POLN: variants seen among roughly 807,000 people sequenced by gnomAD.
POLN encodes DNA polymerase N.
In POLN, 108 loss-of-function variants were observed where a neutral mutation model predicts 113.5. That is an observed-to-expected ratio of 0.95 (90% CI 0.81 to 1.12). The LOEUF (loss-of-function observed/expected upper bound fraction) is 1.12. POLN is among the 50% of genes most tolerant of loss of function. The pLI, the probability that POLN is intolerant of heterozygous loss-of-function variation, is 0.00. For synonymous variants in POLN, 386 were observed against 391.5 expected (o/e 0.99, Z 0.17); for missense variants, 1,097 against 1,077.1 (o/e 1.02, Z -0.26).
intron 23 of POLN, among the ~76,000 whole-genome samples, chr4:2,077,340 G>C (rs1419288749): frequency 6.6e-6 from 1 of 152,242 alleles, no homozygotes; most frequent in Non-Finnish European, 1.5e-5. Context: ...GCTTGGGCCT[G>C]TGTTCCTGAC....
intron 11 of POLN, among the ~76,000 whole-genome samples, chr4:2,171,884 TA>T (rs1732871131): frequency 6.6e-6 from 1 of 151,862 alleles, no homozygotes; most frequent in African/African-American, 2.4e-5. Context: ...GTAGTAAAAA[TA>T]ATGGGAAAGA....
intron 6 of POLN, among the ~76,000 whole-genome samples, chr4:2,198,159 T>C (rs1733625887): frequency 6.6e-6 from 1 of 152,228 alleles, no homozygotes. Context: ...GTGATAACTT[T>C]GTTTTCTAAT....
chr4:2,214,493 C>A (rs1257630253), intron 3 of POLN, among the ~76,000 whole-genome samples: 1 of 152,044 alleles, frequency 6.6e-6, no homozygotes, highest in African/African-American at 2.4e-5. Flanking sequence ...CATACATTTA[C>A]AAGATAAGAC....
chr4:2,186,379 T>C (rs1733273561), intron 7 of POLN, among the ~76,000 whole-genome samples: 1 of 152,120 alleles, frequency 6.6e-6, no homozygotes, highest in Admixed American at 6.5e-5. Flanking sequence ...TCAGAAAGGC[T>C]GGTCAGTAGG....
intron 5 of POLN, among the ~76,000 whole-genome samples, chr4:2,201,277 CAAAAAAAA>C (rs35399602): frequency 3.5e-3 from 56 of 15,832 alleles, no homozygotes; most frequent in African/African-American, 0.026. Context: ...CCTACCACTC[CAAAAAAAA>C]AAAAAAAAAA....
At chr4:2,182,370 TAGAGACATGC>T (rs1733164869) in intron 7 of POLN, among the ~76,000 whole-genome samples, 1 of 152,118 alleles carries the variant, frequency 6.6e-6, no homozygotes, top group Non-Finnish European at 1.5e-5. Flanking sequence ...AGGTGACATA[TAGAGACATGC>T]AGAGGGAAAA....
chr4:2,104,143 T>C (rs2108706680), intron 19 of POLN, among the ~76,000 whole-genome samples: 2 of 152,198 alleles, frequency 1.3e-5, no homozygotes, highest in South Asian at 4.1e-4. Context: ...AAGAAACAAA[T>C]AATTTATAAA....
rs1487275852 is a variant in POLN at position 2,112,687 on chromosome 4, T to C, written c.1982+15426A>G. Among the ~76,000 whole-genome samples, 44 of 152,262 alleles carry C rather than the reference T, an allele frequency of 2.9e-4. No homozygotes were observed. The South Asian group carries it at 8.7e-3, about 30-fold the overall frequency. Reference sequence around the variant, plus strand: ...AATGCAAATCAAAACCACAATGAGATACCATCTCACACCAGTTAGAATGGC... The same window carrying C: ...AATGCAAATCAAAACCACAATGAGACACCATCTCACACCAGTTAGAATGGC... On this transcript the variant is annotated intron_variant, in intron 19 of 25. Transcript: ENST00000511885.
At chr4:2,187,566 T>G (rs1315519536) in intron 7 of POLN, among the ~76,000 whole-genome samples, 1 of 151,998 alleles carries the variant, frequency 6.6e-6, no homozygotes, top group Non-Finnish European at 1.5e-5. Context: ...AAGATATAAA[T>G]ATCCAGGTAG....
At chr4:2,170,542 G>A in intron 13 of POLN, 137 bp downstream of exon 13, 1 of 672,610 alleles carries the variant, frequency 1.5e-6, no homozygotes, top group Middle Eastern at 3.0e-4. Context: ...CTTGGTGTGG[G>A]GAGCCCCTCT....
At chr4:2,080,050 G>C (rs1181441105) in intron 23 of POLN, 3 of 985,436 alleles carry the variant, frequency 3.0e-6, no homozygotes, top group African/African-American at 1.7e-5. Context: ...CTTAGGGTGG[G>C]GGTGGGAAAA....
At chr4:2,187,622 T>C (rs1733312613) in intron 7 of POLN, among the ~76,000 whole-genome samples, 1 of 152,128 alleles carries the variant, frequency 6.6e-6, no homozygotes, top group Admixed American at 6.5e-5. Context: ...AAAACTACCC[T>C]ATAATCACCC....
intron 15 of POLN, 60 bp from the exon 16 acceptor site, chr4:2,156,913 T>C (rs1732449033): frequency 2.9e-6 from 4 of 1,398,538 alleles, no homozygotes; most frequent in Non-Finnish European, 4.1e-6. Context: ...GTTAAGAATG[T>C]GGCGGAGCCT....
intron 2 of POLN, 112 bp from the exon 3 acceptor site, chr4:2,229,355 A>G: frequency 1.1e-6 from 1 of 915,092 alleles, no homozygotes; most frequent in Non-Finnish European, 1.6e-6. Context: ...TAAAATGTCT[A>G]TATTCATAAC....
rs1733903070 is a variant in POLN, at chr4:2,208,230, T to C, written c.471A>G (p.Lys157=). The change falls in exon 5 of 26, where the codon AAA becomes AAG. Residue 157 remains lysine (K), a synonymous_variant. Transcript: ENST00000511885. ...CTGACAAATTATTATATGTAATATG[T>C]TTTCTTTTAAGATTAATGCTTCCTT... ...ENKGSINLKR[K]HITYNNLSEK... 1.3e-6 allele frequency: 2 copies of C among 1,592,342 alleles called. No homozygotes were observed. Among genetic ancestry groups the C allele is most frequent in the Non-Finnish European group, 1.7e-6 (2 of 1,162,634 alleles).
rs995701927 is a variant in POLN, at chr4:2,229,150, T to C, written c.82A>G (p.Met28Val). The change falls in exon 3 of 26, where the codon ATG becomes GTG. Residue 28 changes from methionine (M) to valine (V), a missense_variant. Met to Val is a conservative substitution (Grantham distance 21). Coordinates refer to ENST00000511885, the MANE Select transcript of POLN (RefSeq NM_181808.4). ...GAATCCACTAAATCACCTGAATGCA[T>C]AGCAGACATAATCTTCTGAGCAACA... ...SSVAQKIMSA[M>V]HSGDLVDSKT... 2.5e-6 allele frequency: 4 copies of C among 1,610,614 alleles called. No individual in the cohort carries two copies. In the African/African-American group the frequency reaches 4.0e-5, roughly 16 times the overall value.
intron 19 of POLN, among the ~76,000 whole-genome samples, chr4:2,098,361 G>A (rs775447091): frequency 6.6e-6 from 1 of 152,242 alleles, no homozygotes; most frequent in Non-Finnish European, 1.5e-5. Context: ...TGAGGCTGCA[G>A]TGAGCCATGA....
intron 25 of POLN, 36 bp from the exon 26 acceptor site, chr4:2,072,335 G>A (rs1476581011): frequency 2.0e-6 from 3 of 1,479,752 alleles, no homozygotes; most frequent in East Asian, 2.4e-5. Flanking sequence ...CCCACGCCTG[G>A]GCCAGCCACC....
At chr4:2,087,745 T>A (rs1730583009) in intron 20 of POLN, among the ~76,000 whole-genome samples, 1 of 152,220 alleles carries the variant, frequency 6.6e-6, no homozygotes, top group East Asian at 1.9e-4. Context: ...TTCTGTTTCT[T>A]CCTGTTTAGG....
Sources: gnomAD v4.1 joint callset for allele counts (sites outside exome capture counted in the v4.1 genomes callset) on GRCh38, gnomAD v4.1.1 for gene constraint, MANE v1.5 for transcripts, NCBI Gene and HGNC (gene_info 2026-07-23, HGNC 2026-07-21) for gene names.